The following FTSJ3 variants were observed in gnomAD, a reference collection of about 807,000 sequenced individuals.
FTSJ3 encodes FtsJ RNA 2'-O-methyltransferase 3, also known as pre-rRNA 2'-O-ribose RNA methyltransferase FTSJ3.
A neutral mutation model predicts 111.5 loss-of-function variants in FTSJ3; 46 were observed. The observed-to-expected ratio is 0.41, with a 90% CI of 0.33 to 0.53. The LOEUF (loss-of-function observed/expected upper bound fraction) is 0.53. Among genes scored for constraint, FTSJ3 ranks in the 20% least tolerant of loss-of-function variants. The pLI, the probability that FTSJ3 is intolerant of heterozygous loss-of-function variation, is 0.19. For missense variants in FTSJ3, 1,075 were observed against 1,063.8 expected (o/e 1.01, Z -0.15); for synonymous variants, 408 against 383.0 (o/e 1.07, Z -0.76).
At chr17:63,826,987 G>T in intron 1 of FTSJ3, 59 bp from the exon 2 acceptor site, 1 of 171,104 alleles carries the variant, frequency 5.8e-6, no homozygotes, top group Non-Finnish European at 7.9e-6. Flanking sequence ...TCCACTTCCA[G>T]TTTCCCACTT....
At chr17:63,826,419 T>A in intron 3 of FTSJ3, 115 bp from the exon 4 acceptor site, 1 of 1,195,992 alleles carries the variant, frequency 8.4e-7, no homozygotes. Context: ...AGGCACGTAT[T>A]CCAAGCCCTT....
At position 63,826,552 on chromosome 17, in the gene FTSJ3, G is replaced by A; in HGVS notation, c.173+15C>T. 6.2e-7 allele frequency: 1 copy of A among 1,603,446 alleles called. No individual in the cohort carries two copies. Among genetic ancestry groups the A allele is most frequent in the Non-Finnish European group, 8.5e-7 (1 of 1,170,656 alleles). ...AAGCGGCCACCAGGAGCAACCTGTG[G>A]CGAGTGTTACGAACCATCCCCCTGG... On this transcript the variant is annotated intron_variant, in intron 3 of 20. Coordinates refer to ENST00000427159, the MANE Select transcript of FTSJ3 (RefSeq NM_017647.4).
rs1288280736 is a variant in FTSJ3, at chr17:63,824,139, G to C, written c.1099C>G (p.Gln367Glu). The change falls in exon 12 of 21, where the codon CAA becomes GAA. Residue 367 changes from glutamine to glutamate, a missense_variant. This residue lies in a region of FTSJ3 where 867 missense variants were observed against 796.9 expected (regional missense o/e 1.09). Transcript: ENST00000427159. The part of the protein sequence containing the change: ...KEEEEEEEEE[Q>E]LNQTLAEMKA... ...ATTTCTGCCAAGGTCTGGTTCAGTT[G>C]TTCCTCCTCCTCCTCTTCCTCCTCC... 13 of 1,613,948 alleles carry C rather than the reference G, an allele frequency of 8.1e-6. No homozygotes were observed. The highest frequency in any genetic ancestry group is 1.0e-5 in the Non-Finnish European group (12 of 1,180,038).
Position 63,827,185 on chromosome 17 carries a change from C to T in FTSJ3, c.-160G>A, listed in dbSNP as rs1049339492. ...TTTGAGTGTGGCCCTAGATTGTTCT[C>T]AATACTCTGTCCTTGGGTTTTGTAA... On this transcript the variant is annotated 5_prime_UTR_variant, in exon 1 of 21. Coordinates refer to ENST00000427159, the MANE Select transcript of FTSJ3 (RefSeq NM_017647.4). 1 of 605,634 alleles carries T rather than the reference C, an allele frequency of 1.7e-6. No homozygotes were observed. The highest frequency in any genetic ancestry group is 2.9e-6 in the Non-Finnish European group (1 of 342,152). 37.5% of individuals were successfully genotyped at this position (605,634 alleles called of 1,614,324 possible).
rs1475083458 is a variant in FTSJ3, at chr17:63,827,646, C to T, written c.-621G>A. 2.0e-6 allele frequency: 3 copies of T among 1,512,694 alleles called. No individual in the cohort carries two copies. Among genetic ancestry groups the T allele is most frequent in the African/African-American group, 1.4e-5 (1 of 71,952 alleles). The allele number at this position is 1,512,694 out of a possible 1,614,324, so 93.7% of individuals were successfully genotyped here. On this transcript the variant is annotated 5_prime_UTR_variant, in exon 1 of 21. Coordinates refer to ENST00000427159, the MANE Select transcript of FTSJ3 (RefSeq NM_017647.4). Reference sequence around the variant, plus strand: ...TGCCTGGACCAGTCCATGCTGGACGCTGCCTGCGACCGGATCTGCTGTGTC... The same window carrying T: ...TGCCTGGACCAGTCCATGCTGGACGTTGCCTGCGACCGGATCTGCTGTGTC...
chr17:63,824,206 CTCA>C lies in FTSJ3; in HGVS notation c.1029_1031del (p.Asp343del), dbSNP rs1567753311. The stretch of plus-strand genomic sequence containing the variant: ...TTGTGGTTCCAGCTGTTGAGTCCTC[CTCA>C]TCACCTTCATCTTCCTCTCCAGAGC... On this transcript the variant is annotated inframe_deletion, in exon 12 of 21. Transcript: ENST00000427159. 1 of 1,614,132 alleles carries C rather than the reference CTCA, an allele frequency of 6.2e-7. No homozygotes were observed. Among genetic ancestry groups the C allele is most frequent in the Admixed American group, 1.7e-5 (1 of 60,022 alleles).
intron 18 of FTSJ3, 121 bp from the exon 19 acceptor site, chr17:63,820,559 T>C: frequency 2.1e-6 from 2 of 947,398 alleles, no homozygotes; most frequent in East Asian, 4.9e-5. Context: ...GGTGGGCAGA[T>C]CACCTGAGGT....
In FTSJ3 at chr17:63,821,427, T is replaced by G; in HGVS notation, c.1813A>C (p.Thr605Pro). The G allele has an allele frequency of 6.2e-7, 1 of 1,614,186 alleles. No individual in the cohort carries two copies. The highest frequency in any genetic ancestry group is 8.5e-7 in the Non-Finnish European group (1 of 1,180,036). The change falls in exon 16 of 21, where the codon ACT (threonine) becomes CCT (proline). Residue 605 changes from threonine to proline, a missense_variant. By Grantham distance (38) the Thr-to-Pro change is conservative. Coordinates refer to ENST00000427159, the MANE Select transcript of FTSJ3 (RefSeq NM_017647.4). ...TCCTTTTCTTCCCCTTCAAGGCCAG[T>G]GGCAGCTTCTGTCCCCGAAGAAGCC... ...TEASSGTEAA[T>P]GLEGEEKDGI...
rs1318299540 is a variant in FTSJ3, at chr17:63,823,917, T to C, written c.1190A>G (p.Gln397Arg). Residue 397 changes from glutamine (Q) to arginine (R), a missense_variant, in exon 13 of 21, where the codon CAG becomes CGG. Around this residue, in one of 2 missense-constraint regions of FTSJ3, gnomAD observed 867 missense variants for 796.9 expected, o/e 1.09. Transcript: ENST00000427159. ...KKKLLREQRK[Q>R]RERVELKMDL... ...CATCTTCAGCTCCACACGCTCCCGC[T>C]GCTTTCTCTGCTCACGCAACAGCTT... is the stretch of plus-strand genomic sequence containing the variant. 4.0e-5 allele frequency: 65 copies of C among 1,614,122 alleles called. No individual in the cohort carries two copies. In the Admixed American group the frequency reaches 1.0e-3, roughly 26 times the overall value.
At chr17:63,826,454 G>A in intron 3 of FTSJ3, 113 bp downstream of exon 3, 1 of 1,168,678 alleles carries the variant, frequency 8.6e-7, no homozygotes, top group South Asian at 1.2e-5. Flanking sequence ...AAAGGAAACG[G>A]CCCCCAAGAG....
At position 63,825,617 on chromosome 17, in the gene FTSJ3, T is replaced by G. The variant is rs1174253595; in HGVS notation, c.319A>C (p.Lys107Gln). Residue 107 changes from lysine to glutamine, a missense_variant, in exon 6 of 21, where the codon AAG becomes CAG. Transcript: ENST00000427159. ...AGCACAACATCAACCTTCCAGGTCTTCAGCTCCTTCCTCAGGGCCTAAAGA... is the reference window on the plus strand; with the variant it reads ...AGCACAACATCAACCTTCCAGGTCTGCAGCTCCTTCCTCAGGGCCTAAAGA... ...RCRQALRKEL[K>Q]TWKVDVVLND... The G allele has an allele frequency of 1.2e-6, 2 of 1,614,092 alleles. No individual in the cohort carries two copies. The highest frequency in any genetic ancestry group is 1.7e-6 in the Non-Finnish European group (2 of 1,179,978).
Position 63,821,358 on chromosome 17 carries a change from C to T in FTSJ3, c.1882G>A (p.Glu628Lys), listed in dbSNP as rs61741254. The T allele has an allele frequency of 1.0e-3, 1,610 of 1,604,510 alleles. 8 individuals are homozygous for T. In the African/African-American group the frequency reaches 0.017, roughly 17 times the overall value. ...CTCTCAGCTGCAACTACTCACCTCT[C>T]TTCTTCCTCACTGCTAGTACTGCTA... ...SDSSTSSEEE[E>K]SWEPLRGKKR... Residue 628 changes from glutamate (E) to lysine (K), a missense_variant, in exon 16 of 21, where the codon GAG becomes AAG. By Grantham distance (56) the Glu-to-Lys change is moderately conservative. Coordinates refer to ENST00000427159, the MANE Select transcript of FTSJ3 (RefSeq NM_017647.4).
intron 10 of FTSJ3, 76 bp from the exon 11 acceptor site, chr17:63,824,487 C>G (rs1271626011): frequency 8.4e-6 from 13 of 1,538,504 alleles, no homozygotes; most frequent in Non-Finnish European, 2.7e-6. Context: ...GGCTCACTAC[C>G]CACCTTTCGG....
intron 5 of FTSJ3, 108 bp downstream of exon 5, chr17:63,825,948 C>T (rs2040096454): frequency 7.9e-6 from 7 of 881,514 alleles, no homozygotes; most frequent in Admixed American, 4.4e-5. Flanking sequence ...AGATGTCAGG[C>T]AAGAACGTGC....
chr17:63,820,911 C>T lies in FTSJ3; in HGVS notation c.2000G>A (p.Gly667Asp), dbSNP rs1212852606. The change falls in exon 18 of 21, where the codon GGC becomes GAC. Residue 667 changes from glycine (G) to aspartate (D), a missense_variant. Coordinates refer to ENST00000427159, the MANE Select transcript of FTSJ3 (RefSeq NM_017647.4). ...PAKHRILDPE[G>D]LALGAVIASS... is the part of the protein sequence containing the mutation. ...GGCAATAACAGCACCTAGAGCAAGG[C>T]CTTCGGGGTCCAGTATCCGATGTTT... 3.7e-6 allele frequency: 6 copies of T among 1,614,038 alleles called. No homozygotes were observed. The highest frequency in any genetic ancestry group is 5.1e-6 in the Non-Finnish European group (6 of 1,180,016).
chr17:63,826,010 A>G (rs572781041), intron 5 of FTSJ3, 46 bp downstream of exon 5: 42 of 1,468,702 alleles, frequency 2.9e-5, no homozygotes, highest in Non-Finnish European at 3.9e-5. Flanking sequence ...TCAGGGATGT[A>G]GATGTTTCCG....
chr17:63,820,626 A>G (rs761717007), intron 18 of FTSJ3, among the ~76,000 whole-genome samples, 188 bp from the exon 19 acceptor site: 1 of 152,096 alleles, frequency 6.6e-6, no homozygotes, highest in Non-Finnish European at 1.5e-5. Context: ...TAAAAATACA[A>G]AAATTAGCTG....
chr17:63,823,544 G>A (rs185745828), intron 13 of FTSJ3: 18 of 318,842 alleles, frequency 5.6e-5, no homozygotes, highest in African/African-American at 2.8e-4. Flanking sequence ...GCAGTGGGCC[G>A]AGATCGTGCC....
rs1369694877 is a variant in FTSJ3 at position 63,824,176 on chromosome 17, CT to C, written c.1061del (p.Gln354ArgfsTer15). On this transcript the variant is annotated frameshift_variant, in exon 12 of 21. Transcript: ENST00000427159. LOFTEE classifies it high-confidence loss of function. ...CCTCTTCCTCCTCCTCCTTAGAGGG[CT>C]GCTTTGTGGTTCCAGCTGTTGAGTC... ...EEDSTAGTTK[Q>X]PSKEEEEEEE... The C allele has an allele frequency of 6.2e-7, 1 of 1,614,158 alleles. No individual in the cohort carries two copies. Among genetic ancestry groups the C allele is most frequent in the Non-Finnish European group, 8.5e-7 (1 of 1,180,030 alleles).
Sources: allele counts gnomAD v4.1 joint callset (sites outside exome capture counted in the v4.1 genomes callset), GRCh38; gene constraint gnomAD v4.1.1; regional missense constraint gnomAD v4.1.1; transcripts MANE v1.5; gene names NCBI Gene and HGNC (gene_info 2026-07-23, HGNC 2026-07-21).